The following SLC35D4 variants were observed in gnomAD, a reference collection of about 807,000 sequenced individuals.
The protein encoded by SLC35D4 is solute carrier family 35 member D4, also known as UDP-N-acetylglucosamine transporter SLC35D4.
At chr18:23,358,355 C>T in the SLC35D4 span, among the ~76,000 whole-genome samples, 3 of 152,094 alleles carry the variant, frequency 2.0e-5, no homozygotes, top group African/African-American at 4.8e-5. Context: ...GGACTCATGG[C>T]GCGTGGCAGC....
At chr18:23,305,220 C>G in the SLC35D4 span, among the ~76,000 whole-genome samples, 1 of 152,304 alleles carries the variant, frequency 6.6e-6, no homozygotes, top group South Asian at 2.1e-4. Context: ...CTGTCTTGTC[C>G]TGGGTGACGC....
At chr18:23,288,859 T>C in the SLC35D4 span, among the ~76,000 whole-genome samples, 2 of 152,114 alleles carry the variant, frequency 1.3e-5, no homozygotes, top group Non-Finnish European at 2.9e-5. Context: ...TCAGGGAAGG[T>C]AGAACGGACT....
chr18:23,314,352 T>A, the SLC35D4 span, among the ~76,000 whole-genome samples: 1 of 152,146 alleles, frequency 6.6e-6, no homozygotes, highest in Non-Finnish European at 1.5e-5. Context: ...CAGAAATCGA[T>A]CCCAGTGCAT....
the SLC35D4 span, among the ~76,000 whole-genome samples, chr18:23,428,428 G>A: frequency 3.9e-5 from 6 of 152,128 alleles, no homozygotes; most frequent in African/African-American, 1.4e-4. Flanking sequence ...AGGCTGAGTG[G>A]CAATGTCAAT....
the SLC35D4 span, among the ~76,000 whole-genome samples, chr18:23,282,711 A>C: frequency 6.6e-6 from 1 of 152,118 alleles, no homozygotes; most frequent in Non-Finnish European, 1.5e-5. Context: ...GCCCAGGAAC[A>C]ACTTGGCACA....
chr18:23,381,787 C>T, the SLC35D4 span, among the ~76,000 whole-genome samples: 2 of 152,194 alleles, frequency 1.3e-5, no homozygotes, highest in African/African-American at 2.4e-5. Context: ...GGAAACATCC[C>T]TGAAGGACTT....
the SLC35D4 span, chr18:23,368,845 T>A: frequency 1.3e-6 from 1 of 785,042 alleles, no homozygotes; most frequent in East Asian, 2.9e-5. Flanking sequence ...AATTCTATTT[T>A]AGTTACTACT....
chr18:23,367,761 C>CT, the SLC35D4 span, among the ~76,000 whole-genome samples: 37,738 of 145,898 alleles, frequency 0.26, 5,701 homozygotes, highest in East Asian at 0.4. Flanking sequence ...GCCCTGGATA[C>CT]TTTTTTTTTT....
the SLC35D4 span, among the ~76,000 whole-genome samples, chr18:23,434,152 T>C: frequency 6.6e-6 from 1 of 152,100 alleles, no homozygotes; most frequent in Non-Finnish European, 1.5e-5. Flanking sequence ...ATAAGAGATA[T>C]AAAGTTCCTC....
chr18:23,392,437 T>C, the SLC35D4 span, among the ~76,000 whole-genome samples: 6 of 152,236 alleles, frequency 3.9e-5, no homozygotes, highest in Non-Finnish European at 8.8e-5. Context: ...CATCTTACTA[T>C]TCTGCCATTA....
the SLC35D4 span, among the ~76,000 whole-genome samples, chr18:23,282,129 C>T: frequency 4.6e-4 from 70 of 152,338 alleles, no homozygotes; most frequent in African/African-American, 1.4e-3. Context: ...CGCGGCTCCC[C>T]GAGGCTCAAT....
chr18:23,246,676 C>G, the SLC35D4 span, among the ~76,000 whole-genome samples: 7 of 151,616 alleles, frequency 4.6e-5, 1 homozygote, highest in African/African-American at 1.5e-4. Flanking sequence ...TATGCTTGAG[C>G]CACCGCACCC....
chr18:23,266,204 G>GA, the SLC35D4 span, among the ~76,000 whole-genome samples: 1 of 152,108 alleles, frequency 6.6e-6, no homozygotes, highest in Non-Finnish European at 1.5e-5. Context: ...TGGAAGGCAG[G>GA]AAAAGGTTCC....
chr18:23,303,923 A>C, the SLC35D4 span, among the ~76,000 whole-genome samples: 1 of 148,378 alleles, frequency 6.7e-6, no homozygotes, highest in African/African-American at 2.5e-5. Context: ...AAAAAAAAAG[A>C]ATTTAGGCTA....
chr18:23,424,286 G>C, the SLC35D4 span, among the ~76,000 whole-genome samples: 1 of 152,184 alleles, frequency 6.6e-6, no homozygotes, highest in African/African-American at 2.4e-5. Flanking sequence ...ATTCACTGCA[G>C]GTGAATTTAA....
chr18:23,416,862 T>C, the SLC35D4 span, among the ~76,000 whole-genome samples: 1 of 152,202 alleles, frequency 6.6e-6, no homozygotes, highest in Non-Finnish European at 1.5e-5. Flanking sequence ...GGTCTCAAAC[T>C]TCTACAGTCA....
chr18:23,377,285 A>G, the SLC35D4 span, among the ~76,000 whole-genome samples: 1 of 152,230 alleles, frequency 6.6e-6, no homozygotes, highest in Non-Finnish European at 1.5e-5. Context: ...TTTTTCCACC[A>G]CGGAAAATAT....
chr18:23,290,495 T>C, the SLC35D4 span, among the ~76,000 whole-genome samples: 25 of 152,318 alleles, frequency 1.6e-4, no homozygotes, highest in South Asian at 1.4e-3. Context: ...CCAGACTATA[T>C]GCTAAGTGGG....
chr18:23,291,883 G>A, the SLC35D4 span, among the ~76,000 whole-genome samples: 2 of 152,184 alleles, frequency 1.3e-5, no homozygotes, highest in Admixed American at 6.5e-5. Context: ...CTTCTCTCCG[G>A]GCTGGGCTCA....
Sources: gnomAD v4.1 joint callset for allele counts (sites outside exome capture counted in the v4.1 genomes callset) on GRCh38, gnomAD v4.1.1 for gene constraint, MANE v1.5 for transcripts, NCBI Gene and HGNC (gene_info 2026-07-23, HGNC 2026-07-21) for gene names.